Variants in RBFOX1 observed in about 807,000 individuals in gnomAD.
RBFOX1 encodes RNA binding protein fox-1 homolog 1.
Under a neutral mutation model 57.7 loss-of-function variants are expected in RBFOX1, and 8 were observed. The ratio of observed to expected loss-of-function variants is 0.14; its 90% CI spans 0.08 to 0.25. The LOEUF is 0.25. RBFOX1 is among the 10% of genes least tolerant of loss of function. The pLI is 1.00. For missense variants in RBFOX1, 611 were observed against 548.5 expected, an observed-to-expected ratio of 1.11 and a Z score of -1.14; for synonymous variants, 326 against 222.4, an observed-to-expected ratio of 1.47 and a Z score of -4.15.
At chr16:5,981,498 T>C (rs1357483504) in intron 4 of RBFOX1, among the ~76,000 whole-genome samples, 3 of 152,224 alleles carry the variant, frequency 2.0e-5, no homozygotes, top group African/African-American at 7.2e-5. Context: ...AGATGGAGTC[T>C]CATTCTGTCA....
chr16:5,690,038 C>T (rs989016309), intron 3 of RBFOX1, among the ~76,000 whole-genome samples: 5 of 152,164 alleles, frequency 3.3e-5, no homozygotes, highest in Admixed American at 3.3e-4. Flanking sequence ...CCTGAGTGTG[C>T]TGGTGAAGCT....
At chr16:6,779,683 G>C (rs1479941016) in intron 3 of RBFOX1, among the ~76,000 whole-genome samples, 2 of 128,330 alleles carry the variant, frequency 1.6e-5, no homozygotes, top group Non-Finnish European at 3.2e-5. Flanking sequence ...ATTCATTATT[G>C]CCTATCTTTA....
chr16:6,955,121 G>A (rs1393343664), intron 3 of RBFOX1, among the ~76,000 whole-genome samples: 1 of 151,358 alleles, frequency 6.6e-6, no homozygotes, highest in Non-Finnish European at 1.5e-5. Context: ...TATGCCTGTA[G>A]TCCCAGCTAC....
At chr16:7,034,123 C>G (rs903831619) in intron 3 of RBFOX1, among the ~76,000 whole-genome samples, 4 of 152,290 alleles carry the variant, frequency 2.6e-5, no homozygotes. Flanking sequence ...CCTGGAGCAA[C>G]AGGACGTTGT....
intron 13 of RBFOX1, among the ~76,000 whole-genome samples, chr16:7,674,720 G>C (rs2072737121): frequency 6.6e-6 from 1 of 152,182 alleles, no homozygotes; most frequent in Non-Finnish European, 1.5e-5. Context: ...CTGTGCAGCG[G>C]AATCCCAGGT....
At chr16:5,883,032 A>G (rs546952270) in intron 4 of RBFOX1, among the ~76,000 whole-genome samples, 1 of 152,302 alleles carries the variant, frequency 6.6e-6, no homozygotes, top group East Asian at 1.9e-4. Context: ...CCCTGCTCTT[A>G]GGATCTCCTG....
rs531356005 is a variant in RBFOX1, at chr16:7,349,462, G to C, written c.28-168685G>C. Reference sequence around the variant, plus strand: ...GAGAAAGAAGTCATGGATCGGGCTTGCCAATGGCATTAGGATGAGGTCTGC... The same window carrying C: ...GAGAAAGAAGTCATGGATCGGGCTTCCCAATGGCATTAGGATGAGGTCTGC... On this transcript the variant is annotated intron_variant, in intron 4 of 15. Transcript: ENST00000550418. Among the ~76,000 whole-genome samples the C allele has an allele frequency of 2.5e-4, 38 of 152,282 alleles. No homozygotes were observed. In the South Asian group the frequency reaches 7.9e-3, roughly 32 times the overall value.
intron 2 of RBFOX1, among the ~76,000 whole-genome samples, chr16:6,575,441 A>G (rs2097418791): frequency 6.6e-6 from 1 of 152,220 alleles, no homozygotes; most frequent in Admixed American, 6.5e-5. Flanking sequence ...TGATACAAAC[A>G]AGAGTTAAGT....
intron 1 of RBFOX1, among the ~76,000 whole-genome samples, chr16:6,052,683 C>T (rs2152438083): frequency 6.6e-6 from 1 of 151,992 alleles, no homozygotes; most frequent in East Asian, 1.9e-4. Flanking sequence ...ACTCGGGAGG[C>T]TGAGGCAGGA....
At chr16:6,357,496 G>C (rs1417195282) in intron 2 of RBFOX1, among the ~76,000 whole-genome samples, 1 of 152,094 alleles carries the variant, frequency 6.6e-6, no homozygotes, top group Non-Finnish European at 1.5e-5. Context: ...GAGTTGGAAA[G>C]AGCTGTTGAG....
intron 1 of RBFOX1, among the ~76,000 whole-genome samples, chr16:6,169,840 C>CTGCAACCAT (rs2096945363): frequency 1.3e-5 from 2 of 151,446 alleles, no homozygotes; most frequent in African/African-American, 4.8e-5. Context: ...TCTCAGCTCA[C>CTGCAACCAT]TGCAACCTCT....
intron 4 of RBFOX1, among the ~76,000 whole-genome samples, chr16:7,437,089 T>G (rs764849740): frequency 6.6e-6 from 1 of 151,924 alleles, no homozygotes; most frequent in Non-Finnish European, 1.5e-5. Context: ...TCAAAAAATC[T>G]CCTGACACCA....
chr16:7,370,864 C>G (rs969121253), intron 4 of RBFOX1, among the ~76,000 whole-genome samples: 2 of 152,200 alleles, frequency 1.3e-5, no homozygotes, highest in Non-Finnish European at 2.9e-5. Context: ...AGAACACTGA[C>G]ATTTATGCAT....
At chr16:6,807,439 C>T (rs1603627304) in intron 3 of RBFOX1, among the ~76,000 whole-genome samples, 1 of 152,116 alleles carries the variant, frequency 6.6e-6, no homozygotes, top group South Asian at 2.1e-4. Context: ...ATGGGAAATG[C>T]TGGAGGAATG....
intron 3 of RBFOX1, among the ~76,000 whole-genome samples, chr16:6,674,039 T>C (rs1412589118): frequency 3.3e-5 from 5 of 152,156 alleles, no homozygotes; most frequent in South Asian, 2.1e-4. Context: ...AATCCTATTT[T>C]AGGATTACCC....
At chr16:5,363,958 C>G (rs1309941604) in intron 1 of RBFOX1, among the ~76,000 whole-genome samples, 1 of 152,170 alleles carries the variant, frequency 6.6e-6, no homozygotes, top group African/African-American at 2.4e-5. Context: ...GCTTTGCCAT[C>G]TAGTCAGATC....
At chr16:5,484,144 C>G (rs1252804891) in intron 2 of RBFOX1, among the ~76,000 whole-genome samples, 2 of 152,202 alleles carry the variant, frequency 1.3e-5, no homozygotes, top group Non-Finnish European at 2.9e-5. Flanking sequence ...GCACTTCAGC[C>G]TGGGAAACAG....
chr16:7,416,652 G>A (rs2098480752), intron 4 of RBFOX1, among the ~76,000 whole-genome samples: 1 of 152,128 alleles, frequency 6.6e-6, no homozygotes, highest in Non-Finnish European at 1.5e-5. Context: ...GAAAACCAGA[G>A]GACCCCAGTG....
chr16:5,244,146 C>T (rs1358516409), intron 1 of RBFOX1, among the ~76,000 whole-genome samples: 2 of 152,206 alleles, frequency 1.3e-5, no homozygotes, highest in African/African-American at 4.8e-5. Context: ...ATCTGCCTGC[C>T]TCGGCCTCCC....
Sources: gnomAD v4.1 joint callset for allele counts (sites outside exome capture counted in the v4.1 genomes callset) on GRCh38, gnomAD v4.1.1 for gene constraint, MANE v1.5 for transcripts, NCBI Gene and HGNC (gene_info 2026-07-23, HGNC 2026-07-21) for gene names.